Variants in DENND1B observed in about 807,000 individuals in gnomAD.
The protein encoded by DENND1B is DENN domain containing 1B.
A neutral mutation model predicts 90.1 loss-of-function variants in DENND1B; 59 were observed. The observed-to-expected ratio is 0.65, with a 90% CI of 0.53 to 0.81. The LOEUF (loss-of-function observed/expected upper bound fraction) is 0.81. Ranked by LOEUF, DENND1B falls within the 40% of genes least tolerant of loss-of-function variation. The probability of loss-of-function intolerance (pLI) is 0.00; values close to 1 mark genes in which losing one functional copy is unlikely to be tolerated. For synonymous variants in DENND1B, 337 were observed against 324.6 expected (o/e 1.04, Z -0.41); for missense variants, 862 against 912.6 (o/e 0.94, Z 0.71).
At chr1:197,635,157 G>C (rs1342254957) in intron 10 of DENND1B, among the ~76,000 whole-genome samples, 2 of 152,158 alleles carry the variant, frequency 1.3e-5, no homozygotes, top group Non-Finnish European at 2.9e-5. Context: ...ATTTCTACTT[G>C]ACAAAGATAC....
At chr1:197,715,947 A>C (rs988675143) in intron 2 of DENND1B, among the ~76,000 whole-genome samples, 7 of 151,778 alleles carry the variant, frequency 4.6e-5, no homozygotes, top group Non-Finnish European at 7.4e-5. Context: ...GCAAAAAAAA[A>C]ACAAAACTTG....
intron 2 of DENND1B, among the ~76,000 whole-genome samples, chr1:197,739,764 C>T (rs1046608365): frequency 6.6e-6 from 1 of 151,942 alleles, no homozygotes; most frequent in Non-Finnish European, 1.5e-5. Context: ...GAAACCAACC[C>T]AATAAAGAAA....
chr1:197,631,480 T>C (rs1679321194), intron 10 of DENND1B, among the ~76,000 whole-genome samples: 1 of 152,032 alleles, frequency 6.6e-6, no homozygotes, highest in Non-Finnish European at 1.5e-5. Flanking sequence ...ATTACTACCA[T>C]ATATTCAGAC....
intron 15 of DENND1B, among the ~76,000 whole-genome samples, chr1:197,576,135 C>T (rs1673663857): frequency 6.6e-6 from 1 of 151,818 alleles, no homozygotes; most frequent in Non-Finnish European, 1.5e-5. Context: ...ATAGAAAAGA[C>T]AGAATGATCA....
chr1:197,609,762 T>C (rs958214569), intron 12 of DENND1B, among the ~76,000 whole-genome samples: 1 of 148,672 alleles, frequency 6.7e-6, no homozygotes, highest in Non-Finnish European at 1.5e-5. Context: ...CACAATAAAA[T>C]GTGTTGAAAC....
Position 197,510,829 on chromosome 1 carries a change from A to G in DENND1B, c.1959T>C (p.Ser653=). The change falls in exon 23 of 23, where the codon TCT becomes TCC. Residue 653 remains serine (S), a synonymous_variant. Coordinates refer to ENST00000620048, the MANE Select transcript of DENND1B (RefSeq NM_001195215.2). ...TAAACAGAGAATCTGTCAAACCACT[A>G]GAGGAAACCCGCTTCCTAGGAGATG... is the stretch of plus-strand genomic sequence containing the variant. ...LPPSPRKRVS[S]SGLTDSLFIL... is the part of the protein sequence containing the mutation. 6.2e-7 allele frequency: 1 copy of G among 1,612,238 alleles called. No homozygotes were observed. Among genetic ancestry groups the G allele is most frequent in the Non-Finnish European group, 8.5e-7 (1 of 1,178,994 alleles).
chr1:197,715,410 C>G (rs1267949978), intron 2 of DENND1B, among the ~76,000 whole-genome samples: 1 of 151,924 alleles, frequency 6.6e-6, no homozygotes, highest in Admixed American at 6.6e-5. Flanking sequence ...TCTATTTTAA[C>G]TACACTTTTA....
intron 3 of DENND1B, among the ~76,000 whole-genome samples, chr1:197,674,995 A>G (rs1655909819): frequency 6.6e-6 from 1 of 152,178 alleles, no homozygotes; most frequent in Non-Finnish European, 1.5e-5. Context: ...TACTTGGCAA[A>G]CAAAGTCTTA....
intron 12 of DENND1B, among the ~76,000 whole-genome samples, chr1:197,611,468 A>G (rs1677176062): frequency 6.6e-6 from 1 of 150,836 alleles, no homozygotes; most frequent in South Asian, 2.1e-4. Context: ...CTATATTCTA[A>G]AGTTCATGAT....
In DENND1B at chr1:197,506,627, C is replaced by A. The variant is rs1171710952; in HGVS notation, c.*3833G>T. On this transcript the variant is annotated 3_prime_UTR_variant, in exon 23 of 23. Coordinates refer to ENST00000620048, the MANE Select transcript of DENND1B (RefSeq NM_001195215.2). ...ACATTCACAGTGTTCTCCTCTTGAT[C>A]AGGAGTCTACTTGTTCACCTTAATT... 1 of 151,464 alleles carries A rather than the reference C, an allele frequency of 6.6e-6. No individual in the cohort carries two copies. Among genetic ancestry groups the A allele is most frequent in the Non-Finnish European group, 1.5e-5 (1 of 67,592 alleles). 9.4% of individuals were successfully genotyped at this position (151,464 alleles called of 1,614,324 possible). A position where few individuals can be genotyped will look rare whatever the true frequency, so the allele number is the denominator to read the frequency against.
intron 2 of DENND1B, 29 bp from the exon 3 acceptor site, chr1:197,715,103 C>A (rs779023994): frequency 1.3e-6 from 2 of 1,593,212 alleles, no homozygotes; most frequent in South Asian, 2.3e-5. Context: ...TATAATTAAA[C>A]AGCAGCAAAA....
intron 20 of DENND1B, among the ~76,000 whole-genome samples, chr1:197,514,132 G>C (rs1235771310): frequency 2.6e-5 from 4 of 151,702 alleles, no homozygotes; most frequent in African/African-American, 7.2e-5. Flanking sequence ...CCATGATAAC[G>C]ACTGGCTAAA....
At chr1:197,621,574 G>A (rs1226214373) in intron 10 of DENND1B, among the ~76,000 whole-genome samples, 1 of 151,302 alleles carries the variant, frequency 6.6e-6, no homozygotes, top group African/African-American at 2.4e-5. Context: ...GAATCTTTAA[G>A]CTTAAAGAAA....
intron 9 of DENND1B, among the ~76,000 whole-genome samples, chr1:197,643,791 TA>T (rs1173615095): frequency 6.6e-6 from 1 of 152,244 alleles, no homozygotes; most frequent in Non-Finnish European, 1.5e-5. Context: ...GAAACTGGGA[TA>T]AGCTACTACA....
rs115574920 is a variant in DENND1B, at chr1:197,622,386, A to C, written c.673-4627T>G. 4.4e-3 allele frequency among the ~76,000 whole-genome samples: 674 copies of C among 151,462 alleles called. 5 individuals carry two copies. The highest frequency in any genetic ancestry group is 0.016 in the African/African-American group (646 of 41,440). ...TTATCAACAGCAAAGCCAGGATACA[A>C]CTGGAGGCAGGCTAGATCCAAAGTA... On this transcript the variant is annotated intron_variant, in intron 10 of 22. Transcript: ENST00000620048.
chr1:197,600,244 G>A (rs1238367200), intron 13 of DENND1B, among the ~76,000 whole-genome samples: 1 of 151,842 alleles, frequency 6.6e-6, no homozygotes, highest in Non-Finnish European at 1.5e-5. Context: ...AGCAGAGATG[G>A]CTTTAAGTCC....
chr1:197,641,855 G>A (rs1680296019), intron 10 of DENND1B, among the ~76,000 whole-genome samples: 1 of 151,668 alleles, frequency 6.6e-6, no homozygotes, highest in Non-Finnish European at 1.5e-5. Flanking sequence ...ACAGATTAAG[G>A]TTTTTATTTC....
intron 10 of DENND1B, among the ~76,000 whole-genome samples, chr1:197,622,349 C>G (rs974813373): frequency 6.6e-6 from 1 of 151,320 alleles, no homozygotes; most frequent in Non-Finnish European, 1.5e-5. Flanking sequence ...CAACTGCCCA[C>G]GATCACAGAG....
chr1:197,610,028 T>A (rs1237023890), intron 12 of DENND1B, among the ~76,000 whole-genome samples: 4 of 150,804 alleles, frequency 2.7e-5, no homozygotes, highest in Non-Finnish European at 6.0e-5. Flanking sequence ...TTACATCATC[T>A]TGTAATAGAT....
Sources: gnomAD v4.1 joint callset for allele counts (sites outside exome capture counted in the v4.1 genomes callset) on GRCh38, gnomAD v4.1.1 for gene constraint, MANE v1.5 for transcripts, NCBI Gene and HGNC (gene_info 2026-07-23, HGNC 2026-07-21) for gene names.